Variants in ACOX3 observed in about 807,000 individuals in gnomAD.
The protein encoded by ACOX3 is acyl-CoA oxidase 3, pristanoyl, also known as peroxisomal acyl-coenzyme A oxidase 3.
In ACOX3, 73 loss-of-function variants were observed where a neutral mutation model predicts 81.5. That is an observed-to-expected ratio of 0.90 (90% CI 0.74 to 1.09). The LOEUF is 1.09. Ranked by LOEUF, ACOX3 falls within the 50% of genes least tolerant of loss-of-function variation. The pLI is 0.00. For synonymous variants in ACOX3, 387 were observed against 375.1 expected (o/e 1.03, Z -0.37); for missense variants, 947 against 928.0 (o/e 1.02, Z -0.27).
At chr4:8,409,140 G>A (rs73087786) in intron 6 of ACOX3, among the ~76,000 whole-genome samples, 3,091 of 152,310 alleles carry the variant, frequency 0.02, 80 homozygotes, top group African/African-American at 0.068. Context: ...CAGCTCAAAC[G>A]TCAGGTCAAC....
chr4:8,425,176 C>T (rs913429865), intron 1 of ACOX3, among the ~76,000 whole-genome samples: 1 of 151,984 alleles, frequency 6.6e-6, no homozygotes, highest in Admixed American at 6.6e-5. Context: ...CTTACACTGC[C>T]GGGGTGATCA....
chr4:8,410,906 G>C (rs1330069399), intron 5 of ACOX3, among the ~76,000 whole-genome samples: 1 of 152,244 alleles, frequency 6.6e-6, no homozygotes, highest in Admixed American at 6.5e-5. Context: ...GAACGCATGC[G>C]TGAACTAGCA....
At chr4:8,409,463 GCTGTCTGCACTGTGGGCAGGA>G (rs1011071418) in intron 6 of ACOX3, among the ~76,000 whole-genome samples, 34 of 146,610 alleles carry the variant, frequency 2.3e-4, no homozygotes, top group Middle Eastern at 3.7e-3. Context: ...CATAGGCGGG[GCTGTCTGCACTGTGGGCAGGA>G]CTGTCTGCAC....
At position 8,375,089 on chromosome 4, in the gene ACOX3, C is replaced by T. The variant is rs918295895; in HGVS notation, c.1717G>A (p.Glu573Lys). 10 of 1,553,472 alleles carry T rather than the reference C, an allele frequency of 6.4e-6. No homozygotes were observed. The highest frequency in any genetic ancestry group is 1.4e-5 in the African/African-American group (1 of 73,378). ...GGCACGGAAGGCTGGTGCACGTGCTCGTGGAACCTCTGGACCACCGTGAGC... is the reference window on the plus strand; with the variant it reads ...GGCACGGAAGGCTGGTGCACGTGCTTGTGGAACCTCTGGACCACCGTGAGC... ...VELTVVQRFH[E>K]HVHQPSVPPS... The change falls in exon 15 of 18, where the codon GAG becomes AAG. Residue 573 changes from glutamate (E) to lysine (K), a missense_variant. By Grantham distance (56) the Glu-to-Lys change is moderately conservative (BLOSUM62 1). Coordinates refer to ENST00000356406, the MANE Select transcript of ACOX3 (RefSeq NM_003501.3).
intron 7 of ACOX3, among the ~76,000 whole-genome samples, chr4:8,404,702 C>G (rs1192679690): frequency 1.3e-5 from 2 of 152,222 alleles, no homozygotes; most frequent in Non-Finnish European, 2.9e-5. Context: ...CCTCTGGAGA[C>G]AACCTGGTCA....
chr4:8,427,009 T>C (rs1201058205), intron 1 of ACOX3, among the ~76,000 whole-genome samples: 2 of 152,096 alleles, frequency 1.3e-5, no homozygotes, highest in Non-Finnish European at 2.9e-5. Flanking sequence ...GTTTTCCTGT[T>C]GAGAGGGGGT....
At position 8,414,012 on chromosome 4, in the gene ACOX3, C is replaced by T. The variant is rs754535487; in HGVS notation, c.543+280G>A. The stretch of plus-strand genomic sequence containing the variant: ...CAGGTAAACAAGGCAATAAATTTTA[C>T]AGAATGAGGGCTTCTTCACTGCACT... On this transcript the variant is annotated intron_variant, in intron 5 of 17. Transcript: ENST00000356406. The surrounding 1 kb of genome is among the most constrained non-coding windows in gnomAD (Gnocchi z 6.1). Among the ~76,000 whole-genome samples the T allele has an allele frequency of 1.3e-5, 2 of 152,192 alleles. No homozygotes were observed. The highest frequency in any genetic ancestry group is 1.5e-5 in the Non-Finnish European group (1 of 68,038).
intron 1 of ACOX3, among the ~76,000 whole-genome samples, chr4:8,420,384 G>T (rs954272): frequency 4.6e-5 from 7 of 152,262 alleles, no homozygotes; most frequent in African/African-American, 1.7e-4. Context: ...GGACTAGCTG[G>T]ATTTCCAAGG....
At chr4:8,404,052 AC>A (rs1720656798) in intron 7 of ACOX3, among the ~76,000 whole-genome samples, 1 of 152,210 alleles carries the variant, frequency 6.6e-6, no homozygotes, top group Non-Finnish European at 1.5e-5. Flanking sequence ...CCAGAACAAC[AC>A]AGTGCTTCCT....
rs932687954 is a variant in ACOX3 at position 8,389,824 on chromosome 4, G to A, written c.1301-90C>T. The A allele has an allele frequency of 3.2e-5, 50 of 1,546,102 alleles. No individual in the cohort carries two copies. Among genetic ancestry groups the A allele is most frequent in the African/African-American group, 5.4e-5 (4 of 73,538 alleles). On this transcript the variant is annotated intron_variant, in intron 11 of 17. Transcript: ENST00000356406. The surrounding 1 kb of genome is among the most constrained non-coding windows in gnomAD (Gnocchi z 5.3). The stretch of plus-strand genomic sequence containing the variant: ...GTGAGAATTTAAAAAGCCTTAAGAG[G>A]CTGGGTGCGGTGGCTCACACCTGTA...
chr4:8,394,826 G>C lies in ACOX3; in HGVS notation c.1057-84C>G. The C allele has an allele frequency of 3.3e-6, 5 of 1,519,904 alleles. No individual in the cohort carries two copies. Among genetic ancestry groups the C allele is most frequent in the South Asian group, 2.5e-5 (2 of 79,980 alleles). 94.2% of individuals were successfully genotyped at this position (1,519,904 alleles called of 1,614,324 possible). A position where few individuals can be genotyped will look rare whatever the true frequency, so the allele number is the denominator to read the frequency against. On this transcript the variant is annotated intron_variant, in intron 9 of 17. Transcript: ENST00000356406. The surrounding 1 kb of genome is among the most constrained non-coding windows in gnomAD (Gnocchi z 5.9). ...CCCAGGGACCATGAAAGCCAGTGCAGGGAGAGGCCGTCAGGGCCACACACC... is the reference window on the plus strand; with the variant it reads ...CCCAGGGACCATGAAAGCCAGTGCACGGAGAGGCCGTCAGGGCCACACACC...
In ACOX3 at chr4:8,437,673, C is replaced by T. The variant is rs1441757089; in HGVS notation, c.-15+2975G>A. Among the ~76,000 whole-genome samples the T allele has an allele frequency of 3.3e-5, 5 of 152,142 alleles. No homozygotes were observed. Among genetic ancestry groups the T allele is most frequent in the South Asian group, 4.1e-4 (2 of 4,822 alleles). On this transcript the variant is annotated intron_variant, in intron 1 of 17. Transcript: ENST00000356406. This position sits in a 1 kb window ranked among gnomAD's most constrained non-coding sequence, Gnocchi z 5.2. ...TCAAGTTAGGCAAGGATTCGAGAGC[C>T]GGCCAAGGCTAGAGAGACATTAATG...
At position 8,406,996 on chromosome 4, in the gene ACOX3, A is replaced by G. The variant is rs1398313583; in HGVS notation, c.688-953T>C. Reference sequence around the variant, plus strand: ...GGGAGACTCCCTTTCCCAGTCTGCTAAGTAGCAGGTGTTTTTCCTTGACAC... The same window carrying G: ...GGGAGACTCCCTTTCCCAGTCTGCTGAGTAGCAGGTGTTTTTCCTTGACAC... On this transcript the variant is annotated intron_variant, in intron 6 of 17. Transcript: ENST00000356406. This position sits in a 1 kb window ranked among gnomAD's most constrained non-coding sequence, Gnocchi z 5.6. Among the ~76,000 whole-genome samples the G allele has an allele frequency of 6.6e-6, 1 of 152,144 alleles. No homozygotes were observed. Among genetic ancestry groups the G allele is most frequent in the Non-Finnish European group, 1.5e-5 (1 of 68,000 alleles).
chr4:8,412,144 G>C (rs572863966), intron 5 of ACOX3, among the ~76,000 whole-genome samples: 61 of 152,344 alleles, frequency 4.0e-4, no homozygotes, highest in African/African-American at 1.4e-3. Context: ...GCAGCCATGG[G>C]GCCAGAAAGA....
intron 16 of ACOX3, among the ~76,000 whole-genome samples, chr4:8,371,787 C>T (rs1444615637): frequency 6.6e-6 from 1 of 152,286 alleles, no homozygotes; most frequent in Non-Finnish European, 1.5e-5. Flanking sequence ...GAGAGAAGCT[C>T]TCGGCAGAGC....
intron 7 of ACOX3, among the ~76,000 whole-genome samples, chr4:8,402,761 G>A (rs542588733): frequency 9.1e-4 from 139 of 152,360 alleles, no homozygotes; most frequent in African/African-American, 3.2e-3. Context: ...AGTTGTGTGT[G>A]TGTGTCACTG....
intron 8 of ACOX3, among the ~76,000 whole-genome samples, chr4:8,398,972 G>T (rs1262627760): frequency 6.6e-6 from 1 of 152,198 alleles, no homozygotes; most frequent in African/African-American, 2.4e-5. Context: ...CACCCTGTGT[G>T]TCTCTGGGCA....
intron 9 of ACOX3, among the ~76,000 whole-genome samples, 153 bp downstream of exon 9, chr4:8,396,784 G>A (rs998648912): frequency 6.6e-6 from 1 of 151,892 alleles, no homozygotes; most frequent in African/African-American, 2.4e-5. Context: ...GAAGCCTTGC[G>A]GCCTGAGATG....
In ACOX3 at chr4:8,389,252, C is replaced by T. The variant is rs138564245; in HGVS notation, c.1458G>A (p.Val486=). 1.1e-5 allele frequency: 17 copies of T among 1,613,736 alleles called. No homozygotes were observed. In the Middle Eastern group the frequency reaches 6.6e-4, roughly 63 times the overall value. Residue 486 remains valine, a synonymous_variant, in exon 13 of 18, where the codon GTG becomes GTA. Transcript: ENST00000356406. The surrounding 1 kb of genome is among the most constrained non-coding windows in gnomAD (Gnocchi z 5.3). ...GACFRSPLKS[V]DFLDAYPGIL... ...TGCCGGGATAGGCGTCCAGAAAGTC[C>T]ACTGACTTCAGCGGACTGCGGAAGC...
Sources: gnomAD v4.1 joint callset for allele counts (sites outside exome capture counted in the v4.1 genomes callset) on GRCh38, gnomAD v4.1.1 for gene constraint, Gnocchi (gnomAD v3.1) non-coding constraint, MANE v1.5 for transcripts, NCBI Gene and HGNC (gene_info 2026-07-23, HGNC 2026-07-21) for gene names.